Variants in FMNL2 observed in about 807,000 individuals in gnomAD.
FMNL2 encodes formin-like protein 2.
A neutral mutation model predicts 130.2 loss-of-function variants in FMNL2; 51 were observed. That is an observed-to-expected ratio of 0.39 (90% CI 0.31 to 0.49). The LOEUF is 0.49. Ranked by LOEUF, FMNL2 falls within the 20% of genes least tolerant of loss-of-function variation. FMNL2 has a pLI of 0.85. For synonymous variants in FMNL2, 465 were observed against 467.1 expected (o/e 1.00, Z 0.06); for missense variants, 977 against 1,316.2 (o/e 0.74, Z 3.99).
intron 6 of FMNL2, among the ~76,000 whole-genome samples, chr2:152,571,060 C>T (rs146024151): frequency 2.6e-4 from 39 of 152,286 alleles, no homozygotes; most frequent in African/African-American, 8.9e-4. Context: ...TCTCCAGTTC[C>T]ACAGTAGCCT....
At chr2:152,578,741 T>C (rs1289749936) in intron 7 of FMNL2, 147 bp from the exon 8 acceptor site, 2 of 571,494 alleles carry the variant, frequency 3.5e-6, no homozygotes, top group African/African-American at 1.9e-5. Context: ...GCTCTGACAG[T>C]GATATACTAG....
At chr2:152,621,022 A>G in intron 15 of FMNL2, 2 of 985,418 alleles carry the variant, frequency 2.0e-6, no homozygotes, top group Non-Finnish European at 2.4e-6. Flanking sequence ...CTGATGGACT[A>G]TGGAATATAA....
intron 1 of FMNL2, among the ~76,000 whole-genome samples, chr2:152,517,698 A>G (rs1241178328): frequency 6.6e-6 from 1 of 152,226 alleles, no homozygotes; most frequent in East Asian, 1.9e-4. Flanking sequence ...AGGAACTTGT[A>G]CAATCTAGAA....
At chr2:152,628,753 G>A (rs142012984) in intron 18 of FMNL2, among the ~76,000 whole-genome samples, 28 of 152,224 alleles carry the variant, frequency 1.8e-4, no homozygotes, top group East Asian at 1.7e-3. Context: ...CCATTCTTCC[G>A]AAAGAATGCC....
chr2:152,601,445 C>G (rs1290373529), intron 9 of FMNL2, among the ~76,000 whole-genome samples: 1 of 151,378 alleles, frequency 6.6e-6, no homozygotes, highest in East Asian at 1.9e-4. Flanking sequence ...GGATTACAGG[C>G]GCCTGCCACG....
At chr2:152,353,821 C>G (rs889725943) in intron 1 of FMNL2, among the ~76,000 whole-genome samples, 1 of 152,146 alleles carries the variant, frequency 6.6e-6, no homozygotes, top group Non-Finnish European at 1.5e-5. Flanking sequence ...AAGCTGTGGA[C>G]TTTAACTGGA....
rs187444951 is a variant in FMNL2 at position 152,523,844 on chromosome 2, G to A, written c.201+1818G>A. The stretch of plus-strand genomic sequence containing the variant: ...AAGAGTAAGTTCCTTTAGGATATGG[G>A]CCTCTAACAACTTGCTTAGTGCTTG... On this transcript the variant is annotated intron_variant, in intron 2 of 25. Transcript: ENST00000288670. 3.1e-4 allele frequency among the ~76,000 whole-genome samples: 47 copies of A among 152,248 alleles called. 1 individual carries two copies. The highest frequency in any genetic ancestry group is 1.0e-3 in the African/African-American group (43 of 41,546).
intron 22 of FMNL2, 64 bp from the exon 23 acceptor site, chr2:152,637,509 C>T (rs1000600547): frequency 9.2e-6 from 12 of 1,297,458 alleles, no homozygotes; most frequent in Non-Finnish European, 1.3e-5. Context: ...ATCAGCGTTC[C>T]CCCTAGAGCA....
intron 1 of FMNL2, among the ~76,000 whole-genome samples, chr2:152,499,415 GT>G (rs1691685726): frequency 6.6e-6 from 1 of 152,134 alleles, no homozygotes; most frequent in South Asian, 2.1e-4. Context: ...GAAGCTGAGT[GT>G]TTGGGTTGTT....
At chr2:152,498,823 C>G (rs967060259) in intron 1 of FMNL2, among the ~76,000 whole-genome samples, 3 of 152,164 alleles carry the variant, frequency 2.0e-5, no homozygotes, top group Non-Finnish European at 4.4e-5. Context: ...ATGTACTTAC[C>G]TGAATGTTCA....
At chr2:152,539,009 A>G (rs1026045189) in intron 2 of FMNL2, among the ~76,000 whole-genome samples, 3 of 152,170 alleles carry the variant, frequency 2.0e-5, no homozygotes, top group Non-Finnish European at 4.4e-5. Flanking sequence ...TAAAAGTCGA[A>G]ACTGCTTTGG....
In FMNL2 at chr2:152,619,220, A is replaced by G. The variant is rs1041308548; in HGVS notation, c.1627+62A>G. On this transcript the variant is annotated intron_variant, in intron 14 of 25. Transcript: ENST00000288670. ...GAATATTTGTATTTCTTCTTTTGCC[A>G]ACTGTCCACTTCTGTCCTTTGTCCG... 4.7e-6 allele frequency: 7 copies of G among 1,486,794 alleles called. No individual in the cohort carries two copies. The African/African-American group carries it at 9.9e-5, about 21-fold the overall frequency. The allele number at this position is 1,486,794 out of a possible 1,614,324, so 92.1% of individuals were successfully genotyped here. A position where few individuals can be genotyped will look rare whatever the true frequency, so the allele number is the denominator to read the frequency against.
At chr2:152,634,167 T>C (rs1682385237) in intron 21 of FMNL2, among the ~76,000 whole-genome samples, 1 of 152,206 alleles carries the variant, frequency 6.6e-6, no homozygotes, top group Non-Finnish European at 1.5e-5. Context: ...CCGGGTGCGG[T>C]AGCTCATGTA....
chr2:152,418,368 T>C, intron 1 of FMNL2, among the ~76,000 whole-genome samples: 1 of 152,204 alleles, frequency 6.6e-6, no homozygotes, highest in Middle Eastern at 3.2e-3. Context: ...ACATTTGTAT[T>C]GTTGGTGGTG....
chr2:152,411,963 A>G (rs566878351), intron 1 of FMNL2, among the ~76,000 whole-genome samples: 68 of 152,214 alleles, frequency 4.5e-4, no homozygotes, highest in African/African-American at 1.5e-3. Context: ...GTGTGACCCC[A>G]TTGTGGTATT....
rs1491371455 is a variant in FMNL2, at chr2:152,607,507, A to ACACG, written c.951+94_951+95insCACG. On this transcript the variant is annotated intron_variant, in intron 10 of 25. Transcript: ENST00000288670. The stretch of plus-strand genomic sequence containing the variant: ...CACACACACACACACACACACACAC[A>ACACG]TATTTATATTACAAAGGACAGGGAA... The ACACG allele has an allele frequency of 1.1e-3, 877 of 799,434 alleles. 11 individuals are homozygous for ACACG. Among genetic ancestry groups the ACACG allele is most frequent in the African/African-American group, 7.6e-3 (412 of 54,424 alleles). The allele number at this position is 799,434 out of a possible 1,614,324, so 49.5% of individuals were successfully genotyped here.
At chr2:152,589,535 G>A (rs1027488124) in intron 9 of FMNL2, among the ~76,000 whole-genome samples, 1 of 152,152 alleles carries the variant, frequency 6.6e-6, no homozygotes, top group African/African-American at 2.4e-5. Flanking sequence ...ACTTGAGACA[G>A]AGACTGGTAC....
At chr2:152,440,901 A>G (rs1168375969) in intron 1 of FMNL2, among the ~76,000 whole-genome samples, 1 of 152,240 alleles carries the variant, frequency 6.6e-6, no homozygotes, top group Non-Finnish European at 1.5e-5. Context: ...TTGCCAGCCT[A>G]TCAGATGCAG....
In FMNL2 at chr2:152,380,135, A is replaced by G. The variant is rs935416109; in HGVS notation, c.117+44415A>G. Among the ~76,000 whole-genome samples, 108 of 152,258 alleles carry G rather than the reference A, an allele frequency of 7.1e-4. 1 individual carries two copies. Among genetic ancestry groups the G allele is most frequent in the Non-Finnish European group, 2.5e-4 (17 of 68,028 alleles). ...ACATTTTAATTTTTGTGGCCATCTC[A>G]TCCTGGGCTTTGAGCAGCCAAGAAT... On this transcript the variant is annotated intron_variant, in intron 1 of 25. Coordinates refer to ENST00000288670, the MANE Select transcript of FMNL2 (RefSeq NM_052905.4).
Sources: allele counts gnomAD v4.1 joint callset (sites outside exome capture counted in the v4.1 genomes callset), GRCh38; gene constraint gnomAD v4.1.1; transcripts MANE v1.5; gene names NCBI Gene and HGNC (gene_info 2026-07-23, HGNC 2026-07-21).